HECW2: variants seen among roughly 807,000 people sequenced by gnomAD.
HECW2 encodes E3 ubiquitin-protein ligase HECW2.
In HECW2, 61 loss-of-function variants were observed where a neutral mutation model predicts 175.2. The observed-to-expected ratio is 0.35, with a 90% CI of 0.28 to 0.43. The LOEUF is 0.43. Ranked by LOEUF, HECW2 falls within the 20% of genes least tolerant of loss-of-function variation. HECW2 has a pLI of 1.00. For missense variants in HECW2, 1,524 were observed against 2,000.5 expected, an observed-to-expected ratio of 0.76 and a Z score of 4.54; for synonymous variants, 671 against 731.0, an observed-to-expected ratio of 0.92 and a Z score of 1.32.
At chr2:196,431,876 T>C (rs1049697142) in intron 2 of HECW2, among the ~76,000 whole-genome samples, 1 of 152,254 alleles carries the variant, frequency 6.6e-6, no homozygotes, top group South Asian at 2.1e-4. Context: ...TTAAGAGTTA[T>C]ATAAGTGAAT....
intron 1 of HECW2, among the ~76,000 whole-genome samples, chr2:196,477,231 T>C (rs898003725): frequency 6.6e-6 from 1 of 151,990 alleles, no homozygotes; most frequent in African/African-American, 2.4e-5. Flanking sequence ...AAATGAGAAA[T>C]TGGCCATATT....
chr2:196,488,117 C>T (rs981731798), intron 1 of HECW2, among the ~76,000 whole-genome samples: 1 of 152,136 alleles, frequency 6.6e-6, no homozygotes, highest in African/African-American at 2.4e-5. Context: ...ACTGTCATTA[C>T]CACACTAAGC....
chr2:196,299,152 C>G (rs1024529356), intron 13 of HECW2, among the ~76,000 whole-genome samples: 9 of 148,260 alleles, frequency 6.1e-5, no homozygotes, highest in Admixed American at 4.7e-4. Flanking sequence ...TATAAATGTA[C>G]AGCATGGATC....
chr2:196,441,321 A>C (rs564563277), intron 1 of HECW2, among the ~76,000 whole-genome samples: 3 of 152,186 alleles, frequency 2.0e-5, no homozygotes, highest in African/African-American at 7.2e-5. Flanking sequence ...ATAATAATAA[A>C]AGACAAACTT....
intron 2 of HECW2, among the ~76,000 whole-genome samples, chr2:196,429,387 G>T (rs973724941): frequency 3.3e-5 from 5 of 152,190 alleles, no homozygotes; most frequent in African/African-American, 1.2e-4. Context: ...GCTAGGGATA[G>T]AAATCTATTA....
At chr2:196,412,092 C>T (rs554339603) in intron 2 of HECW2, among the ~76,000 whole-genome samples, 2 of 152,290 alleles carry the variant, frequency 1.3e-5, no homozygotes, top group South Asian at 2.1e-4. Context: ...TATTTATGTT[C>T]CCAGTATTTA....
At chr2:196,427,623 G>A (rs1170155140) in intron 2 of HECW2, among the ~76,000 whole-genome samples, 1 of 152,130 alleles carries the variant, frequency 6.6e-6, no homozygotes, top group Non-Finnish European at 1.5e-5. Flanking sequence ...CTTAGGAGGA[G>A]GCAATAAATA....
At chr2:196,552,472 C>T (rs1276555598) in intron 1 of HECW2, among the ~76,000 whole-genome samples, 4 of 152,314 alleles carry the variant, frequency 2.6e-5, no homozygotes, top group Non-Finnish European at 5.9e-5. Context: ...GATGACCTAG[C>T]CTCCATCTTC....
chr2:196,549,228 G>C (rs1689527073), intron 1 of HECW2, among the ~76,000 whole-genome samples: 1 of 152,146 alleles, frequency 6.6e-6, no homozygotes, highest in African/African-American at 2.4e-5. Flanking sequence ...ATGCATAACT[G>C]CAATCCAGGT....
intron 1 of HECW2, among the ~76,000 whole-genome samples, chr2:196,591,630 C>T (rs533347261): frequency 3.3e-5 from 5 of 151,860 alleles, no homozygotes; most frequent in Non-Finnish European, 7.4e-5. Context: ...GTCTTTGCCA[C>T]CCTCCACCCC....
At chr2:196,412,575 A>G (rs1437452034) in intron 2 of HECW2, among the ~76,000 whole-genome samples, 1 of 152,212 alleles carries the variant, frequency 6.6e-6, no homozygotes, top group Non-Finnish European at 1.5e-5. Context: ...AACACCCTTT[A>G]GGGAATGTAA....
intron 1 of HECW2, among the ~76,000 whole-genome samples, chr2:196,527,159 G>T (rs948953579): frequency 2.8e-4 from 42 of 152,254 alleles, no homozygotes; most frequent in Non-Finnish European, 5.4e-4. Context: ...CTCCCAGCCA[G>T]GTGTGGGATA....
chr2:196,576,791 T>C (rs998864203), intron 1 of HECW2, among the ~76,000 whole-genome samples: 1 of 152,162 alleles, frequency 6.6e-6, no homozygotes, highest in Non-Finnish European at 1.5e-5. Context: ...TATACACATA[T>C]CAAAACACCA....
At chr2:196,391,251 C>G (rs768892684) in intron 2 of HECW2, among the ~76,000 whole-genome samples, 1 of 152,266 alleles carries the variant, frequency 6.6e-6, no homozygotes, top group Middle Eastern at 3.4e-3. Flanking sequence ...CCTCTTCTTA[C>G]ATCTTCAGGC....
chr2:196,254,790 C>G (rs1189532428), intron 18 of HECW2, among the ~76,000 whole-genome samples: 1 of 152,178 alleles, frequency 6.6e-6, no homozygotes, highest in East Asian at 1.9e-4. Flanking sequence ...TGGACTCTTA[C>G]AAATCTAATA....
chr2:196,570,951 C>T (rs1360966332), intron 1 of HECW2, among the ~76,000 whole-genome samples: 1 of 152,052 alleles, frequency 6.6e-6, no homozygotes, highest in Non-Finnish European at 1.5e-5. Context: ...AGTTTGTTTC[C>T]CTGATGTTCA....
intron 2 of HECW2, among the ~76,000 whole-genome samples, chr2:196,426,485 C>T (rs925045886): frequency 2.0e-5 from 3 of 151,946 alleles, no homozygotes; most frequent in African/African-American, 7.3e-5. Context: ...ATTTGCATTT[C>T]CATGATAATT....
At position 196,196,692 on chromosome 2, in the gene HECW2, G is replaced by C. The variant is rs1319631850; in HGVS notation, c.*4585C>G. 6.6e-6 allele frequency: 1 copy of C among 152,592 alleles called. No homozygotes were observed. Among genetic ancestry groups the C allele is most frequent in the African/African-American group, 2.4e-5 (1 of 41,430 alleles). 9.5% of individuals were successfully genotyped at this position (152,592 alleles called of 1,614,324 possible). On this transcript the variant is annotated 3_prime_UTR_variant, in exon 29 of 29. Coordinates refer to ENST00000644978, the MANE Select transcript of HECW2 (RefSeq NM_001348768.2). ...TGCATGCCTGTAGTCCTAGCTACTC[G>C]GAGGCTGAGGTGGGAGGCTGGCTTG... is the stretch of plus-strand genomic sequence containing the variant.
intron 1 of HECW2, among the ~76,000 whole-genome samples, chr2:196,435,259 A>G (rs1695836086): frequency 6.6e-6 from 1 of 152,228 alleles, no homozygotes; most frequent in African/African-American, 2.4e-5. Context: ...TAACTCTGAT[A>G]CCATAAAAGA....
Sources: allele counts gnomAD v4.1 joint callset (sites outside exome capture counted in the v4.1 genomes callset), GRCh38; gene constraint gnomAD v4.1.1; transcripts MANE v1.5; gene names NCBI Gene and HGNC (gene_info 2026-07-23, HGNC 2026-07-21).